Variants in SSH2 observed in about 807,000 individuals in gnomAD.
The protein encoded by SSH2 is slingshot protein phosphatase 2, also known as protein phosphatase Slingshot homolog 2.
Under a neutral mutation model 135.2 loss-of-function variants are expected in SSH2, and 37 were observed. The ratio of observed to expected loss-of-function variants is 0.27; its 90% CI spans 0.21 to 0.36. The LOEUF (loss-of-function observed/expected upper bound fraction) is 0.36. SSH2 is among the 10% of genes least tolerant of loss of function. The pLI, the probability that SSH2 is intolerant of heterozygous loss-of-function variation, is 1.00. For missense variants in SSH2, 1,408 were observed against 1,765.3 expected (o/e 0.80, Z 3.63); for synonymous variants, 628 against 646.2 (o/e 0.97, Z 0.43).
intron 1 of SSH2, among the ~76,000 whole-genome samples, chr17:29,891,952 TAAGA>T (rs2066357401): frequency 1.3e-5 from 2 of 152,098 alleles, no homozygotes; most frequent in South Asian, 4.1e-4. Flanking sequence ...TATCTACCAC[TAAGA>T]AAGAAGCTTT....
At chr17:29,635,256 C>A (rs1329305156) in intron 15 of SSH2, among the ~76,000 whole-genome samples, 3 of 152,074 alleles carry the variant, frequency 2.0e-5, no homozygotes, top group African/African-American at 7.3e-5. Flanking sequence ...ACTGTAACAA[C>A]TATTCACACA....
intron 14 of SSH2, among the ~76,000 whole-genome samples, chr17:29,639,444 C>A (rs2036056730): frequency 1.3e-5 from 2 of 151,888 alleles, no homozygotes; most frequent in Admixed American, 1.3e-4. Context: ...CCGGGCCACG[C>A]CTGGGCTCTG....
intron 2 of SSH2, among the ~76,000 whole-genome samples, chr17:29,799,843 T>G (rs1191740407): frequency 6.6e-6 from 1 of 152,210 alleles, no homozygotes; most frequent in African/African-American, 2.4e-5. Flanking sequence ...TGGGACTTAT[T>G]CAAGGTCATA....
intron 1 of SSH2, chr17:29,864,089 A>T (rs577935556): frequency 1.6e-4 from 25 of 152,170 alleles, no homozygotes; most frequent in Non-Finnish European, 2.9e-4. Flanking sequence ...GGATCACCTG[A>T]GGTCAGGAGT....
intron 1 of SSH2, among the ~76,000 whole-genome samples, chr17:29,923,152 C>T (rs1411042778): frequency 2.6e-5 from 4 of 152,118 alleles, no homozygotes; most frequent in African/African-American, 7.2e-5. Flanking sequence ...CCTTGTGATC[C>T]GCCCACCTTG....
chr17:29,824,631 G>A (rs2042713403), intron 2 of SSH2, among the ~76,000 whole-genome samples: 1 of 152,118 alleles, frequency 6.6e-6, no homozygotes, highest in Non-Finnish European at 1.5e-5. Flanking sequence ...CGGCTACCTG[G>A]AGGAAATGGA....
chr17:29,647,566 C>T (rs1273635880), intron 14 of SSH2: 1 of 151,894 alleles, frequency 6.6e-6, no homozygotes, highest in Non-Finnish European at 1.5e-5. Context: ...AGATTAAATG[C>T]TTAATCTTCC....
chr17:29,807,340 C>T (rs543323649), intron 2 of SSH2, among the ~76,000 whole-genome samples: 14 of 152,156 alleles, frequency 9.2e-5, no homozygotes, highest in Non-Finnish European at 1.2e-4. Context: ...ATTGTTACTA[C>T]GTTAATATTT....
At chr17:29,750,247 G>C (rs1352853170) in intron 3 of SSH2, among the ~76,000 whole-genome samples, 1 of 151,148 alleles carries the variant, frequency 6.6e-6, no homozygotes, top group African/African-American at 2.4e-5. Context: ...AGATCAGCCT[G>C]GCCAACATGG....
At chr17:29,745,436 A>G (rs1350801630) in intron 3 of SSH2, among the ~76,000 whole-genome samples, 3 of 152,228 alleles carry the variant, frequency 2.0e-5, no homozygotes, top group Non-Finnish European at 4.4e-5. Flanking sequence ...CTGGGATTAC[A>G]GGCGTGAGCC....
chr17:29,690,392 GA>G (rs2038416529), intron 5 of SSH2, among the ~76,000 whole-genome samples: 1 of 135,446 alleles, frequency 7.4e-6, no homozygotes, highest in African/African-American at 2.8e-5. Context: ...GCAAAAGAGT[GA>G]AACTCTGTCT....
intron 3 of SSH2, among the ~76,000 whole-genome samples, chr17:29,765,935 G>A (rs527903743): frequency 1.1e-4 from 16 of 147,296 alleles, no homozygotes; most frequent in Non-Finnish European, 2.2e-4. Context: ...CAGGAGAATC[G>A]CTTGAACCTG....
At chr17:29,784,163 GA>G (rs2041907106) in intron 3 of SSH2, among the ~76,000 whole-genome samples, 1 of 151,480 alleles carries the variant, frequency 6.6e-6, no homozygotes, top group African/African-American at 2.4e-5. Context: ...AAGGTGGGTG[GA>G]TCACCTGAGA....
chr17:29,834,359 C>A (rs929136858), intron 2 of SSH2, among the ~76,000 whole-genome samples: 25 of 152,038 alleles, frequency 1.6e-4, no homozygotes, highest in Admixed American at 1.6e-3. Context: ...TGATTGAAAC[C>A]CCATTTACCC....
chr17:29,888,560 T>C (rs2066283744), intron 1 of SSH2, among the ~76,000 whole-genome samples: 1 of 152,146 alleles, frequency 6.6e-6, no homozygotes, highest in South Asian at 2.1e-4. Context: ...GTAATTTTTA[T>C]AGACCAAATA....
At chr17:29,651,386 C>T (rs1269528403) in intron 12 of SSH2, among the ~76,000 whole-genome samples, 34 of 152,220 alleles carry the variant, frequency 2.2e-4, no homozygotes, top group Admixed American at 2.2e-3. Flanking sequence ...ACTTAAAACT[C>T]CCTTAAACTC....
At chr17:29,804,664 A>G (rs1251718788) in intron 2 of SSH2, among the ~76,000 whole-genome samples, 1 of 152,108 alleles carries the variant, frequency 6.6e-6, no homozygotes, top group South Asian at 2.1e-4. Context: ...GAAAGCAACA[A>G]GTCTTTGTTG....
At chr17:29,766,184 CAAAT>C (rs372197659) in intron 3 of SSH2, among the ~76,000 whole-genome samples, 142 of 151,834 alleles carry the variant, frequency 9.4e-4, no homozygotes, top group African/African-American at 2.7e-3. Flanking sequence ...CTGAAGTTGA[CAAAT>C]GAATGAATGA....
intron 1 of SSH2, among the ~76,000 whole-genome samples, chr17:29,911,027 T>C (rs977064322): frequency 3.3e-5 from 5 of 152,294 alleles, no homozygotes; most frequent in Admixed American, 3.3e-4. Context: ...AAAATCATCA[T>C]TGATCCATGC....
Sources: allele counts gnomAD v4.1 joint callset (sites outside exome capture counted in the v4.1 genomes callset), GRCh38; gene constraint gnomAD v4.1.1; transcripts MANE v1.5; gene names NCBI Gene and HGNC (gene_info 2026-07-23, HGNC 2026-07-21).